The following GTF2I variants were observed in gnomAD, a reference collection of about 807,000 sequenced individuals.
GTF2I encodes the protein general transcription factor IIi.
GTF2I carries 12 observed loss-of-function variants against 67.6 expected under a neutral mutation model. The observed-to-expected ratio is 0.18, with a 90% confidence interval of 0.11 to 0.29. The LOEUF is 0.29. Among genes scored for constraint, GTF2I ranks in the 10% least tolerant of loss-of-function variants. The pLI is 1.00. For missense variants in GTF2I, 271 were observed against 580.1 expected (o/e 0.47, Z 5.47); for synonymous variants, 149 against 197.0 (o/e 0.76, Z 2.04).
chr7:74,715,865 CT>C (rs1264246472), intron 10 of GTF2I, among the ~76,000 whole-genome samples: 1 of 152,042 alleles, frequency 6.6e-6, no homozygotes, highest in Admixed American at 6.5e-5. Context: ...CAGTATGGGA[CT>C]TTTAATTCAA....
Position 74,750,587 on chromosome 7 carries a change from T to C in GTF2I, c.2421-774T>C, listed in dbSNP as rs376612975. Among the ~76,000 whole-genome samples, 1,509 of 118,114 alleles carry C rather than the reference T, an allele frequency of 0.013. 153 individuals are homozygous for C. In the East Asian group the frequency reaches 0.34, roughly 26 times the overall value. 77.5% of individuals were successfully genotyped at this position (118,114 alleles called of 152,430 possible). On this transcript the variant is annotated intron_variant, in intron 26 of 34. Transcript: ENST00000573035. ...ACCCAGGGATGCTCTCAAGCAAAGC[T>C]GGCCACTTTTTTTTTTTTTTTTTTT...
intron 1 of GTF2I, among the ~76,000 whole-genome samples, chr7:74,687,764 G>A (rs1787867343): frequency 6.6e-6 from 1 of 152,118 alleles, no homozygotes; most frequent in Non-Finnish European, 1.5e-5. Context: ...CAGAACCCTG[G>A]GGCTTTAGTT....
chr7:74,663,582 C>A (rs1173559736), intron 1 of GTF2I, among the ~76,000 whole-genome samples: 1 of 152,128 alleles, frequency 6.6e-6, no homozygotes, highest in Non-Finnish European at 1.5e-5. Flanking sequence ...TGAGCCACTG[C>A]GCCTGGTTCG....
At chr7:74,664,019 G>T (rs587623826) in intron 1 of GTF2I, among the ~76,000 whole-genome samples, 1 of 152,044 alleles carries the variant, frequency 6.6e-6, no homozygotes, top group African/African-American at 2.4e-5. Flanking sequence ...AGTAGAGACG[G>T]GGTTTCACCG....
At chr7:74,693,582 C>A (rs191627151) in intron 3 of GTF2I, among the ~76,000 whole-genome samples, 79 of 152,180 alleles carry the variant, frequency 5.2e-4, no homozygotes, top group African/African-American at 1.8e-3. Context: ...CACGGTGGCT[C>A]ATGCCTGTCA....
intron 1 of GTF2I, among the ~76,000 whole-genome samples, chr7:74,686,915 A>T (rs1787792390): frequency 2.0e-5 from 3 of 147,844 alleles, no homozygotes; most frequent in African/African-American, 2.5e-5. Context: ...TTTGAGATAG[A>T]GTCTTGCTTT....
chr7:74,679,529 T>C (rs887857249), intron 1 of GTF2I, among the ~76,000 whole-genome samples: 1 of 152,216 alleles, frequency 6.6e-6, no homozygotes, highest in Non-Finnish European at 1.5e-5. Context: ...TGGCAGTTAA[T>C]TCTCTGCTGA....
chr7:74,691,039 G>C lies in GTF2I; in HGVS notation c.166G>C (p.Val56Leu), dbSNP rs1261533732. The change falls in exon 3 of 35, where the codon GTC becomes CTC. Residue 56 changes from valine to leucine, a missense_variant. Val to Leu is a conservative substitution (Grantham distance 32, BLOSUM62 1). This residue lies in a region of GTF2I where 72 missense variants were observed against 87.4 expected (regional missense o/e 0.82). Coordinates refer to ENST00000573035, the MANE Select transcript of GTF2I (RefSeq NM_032999.4). ...TGCAGTGTATGAAACAGACGTGTTT[G>C]TCGTCGGAACTGAAAGAGGACGTGC... is the stretch of plus-strand genomic sequence containing the variant. The part of the protein sequence containing the change: ...CIAVYETDVF[V>L]VGTERGRAFV... The C allele has an allele frequency of 1.2e-6, 2 of 1,613,286 alleles. No homozygotes were observed. The highest frequency in any genetic ancestry group is 1.7e-6 in the Non-Finnish European group (2 of 1,179,510).
At chr7:74,691,683 T>G (rs1788322955) in intron 3 of GTF2I, among the ~76,000 whole-genome samples, 1 of 152,220 alleles carries the variant, frequency 6.6e-6, no homozygotes, top group African/African-American at 2.4e-5. Context: ...TTGGCTTTAC[T>G]CTGGGTTAAT....
rs188810205 is a variant in GTF2I, at chr7:74,704,688, A to G, written c.587-476A>G. On this transcript the variant is annotated intron_variant, in intron 6 of 34. Transcript: ENST00000573035. The stretch of plus-strand genomic sequence containing the variant: ...AACATAGCAAGATCCAATTTCTACA[A>G]AAAATAGAAAACAATTAGCTGGGAG... 8.6e-5 allele frequency among the ~76,000 whole-genome samples: 13 copies of G among 152,042 alleles called. No homozygotes were observed. In the East Asian group the frequency reaches 2.5e-3, roughly 29 times the overall value.
At chr7:74,692,591 C>T (rs1261183877) in intron 3 of GTF2I, among the ~76,000 whole-genome samples, 2 of 152,128 alleles carry the variant, frequency 1.3e-5, no homozygotes, top group Non-Finnish European at 2.9e-5. Context: ...GGTTTTAATA[C>T]CCACAGCCTT....
Position 74,700,595 on chromosome 7 carries a change from T to C in GTF2I, c.558-11T>C. On this transcript the variant is annotated splice_polypyrimidine_tract_variant and intron_variant, in intron 5 of 34. Coordinates refer to ENST00000573035, the MANE Select transcript of GTF2I (RefSeq NM_032999.4). ...TCATACGAAGTTTTGTTTTGTTTTG[T>C]TTTAATGCAGACCTTTTTTAGAGCC... 1 of 1,614,026 alleles carries C rather than the reference T, an allele frequency of 6.2e-7. No homozygotes were observed. The highest frequency in any genetic ancestry group is 8.5e-7 in the Non-Finnish European group (1 of 1,179,858).
At chr7:74,720,129 A>T (rs1792754850) in intron 12 of GTF2I, among the ~76,000 whole-genome samples, 1 of 152,242 alleles carries the variant, frequency 6.6e-6, no homozygotes, top group African/African-American at 2.4e-5. Context: ...ATTGCAGTAC[A>T]TATCTTGATG....
In GTF2I at chr7:74,716,966, GAT is replaced by G; in HGVS notation, c.880+17_880+18del. 6.3e-7 allele frequency: 1 copy of G among 1,590,458 alleles called. No homozygotes were observed. Among genetic ancestry groups the G allele is most frequent in the South Asian group, 1.1e-5 (1 of 90,382 alleles). ...CCAGCAGAAGGTTAGGAGAAAAAGA[GAT>G]TGCATATTTTCCACTATTTGTTGTA... On this transcript the variant is annotated intron_variant, in intron 11 of 34. Coordinates refer to ENST00000573035, the MANE Select transcript of GTF2I (RefSeq NM_032999.4).
At chr7:74,679,267 G>A (rs1554393376) in intron 1 of GTF2I, among the ~76,000 whole-genome samples, 1 of 151,642 alleles carries the variant, frequency 6.6e-6, no homozygotes, top group Non-Finnish European at 1.5e-5. Flanking sequence ...GTAGAGATGG[G>A]GTTTCACCAT....
intron 7 of GTF2I, 130 bp downstream of exon 7, chr7:74,705,348 T>A: frequency 1.5e-6 from 1 of 657,348 alleles, no homozygotes; most frequent in Non-Finnish European, 2.7e-6. Context: ...GGCAAGGATA[T>A]CATTTGGGGA....
intron 1 of GTF2I, among the ~76,000 whole-genome samples, chr7:74,672,791 G>A (rs1805572760): frequency 6.6e-6 from 1 of 152,180 alleles, no homozygotes; most frequent in Non-Finnish European, 1.5e-5. Flanking sequence ...GTCAGAGCTG[G>A]AGATTGGACT....
intron 12 of GTF2I, chr7:74,722,595 C>G (rs1554404834): frequency 6.6e-6 from 1 of 152,088 alleles, no homozygotes; most frequent in African/African-American, 2.4e-5. Context: ...CATTACTTAA[C>G]CTGATTTTTT....
At chr7:74,689,067 G>A (rs1788005182) in intron 1 of GTF2I, 57 bp from the exon 2 acceptor site, 3 of 995,140 alleles carry the variant, frequency 3.0e-6, no homozygotes, top group African/African-American at 1.6e-5. Context: ...AGCTTTGGCT[G>A]TGGGTTCAGG....
Sources: allele counts gnomAD v4.1 joint callset (sites outside exome capture counted in the v4.1 genomes callset), GRCh38; gene constraint gnomAD v4.1.1; regional missense constraint gnomAD v4.1.1; transcripts MANE v1.5; gene names NCBI Gene and HGNC (gene_info 2026-07-23, HGNC 2026-07-21).